Variants in INTS9 observed in about 807,000 individuals in gnomAD.
INTS9 encodes the protein integrator complex subunit 9.
A neutral mutation model predicts 79.7 loss-of-function variants in INTS9; 55 were observed. The observed-to-expected ratio is 0.69, with a 90% CI of 0.56 to 0.86. The LOEUF (loss-of-function observed/expected upper bound fraction) is 0.86. INTS9 is among the 40% of genes least tolerant of loss of function. INTS9 has a pLI of 0.00. For missense variants in INTS9, 721 were observed against 831.5 expected, an observed-to-expected ratio of 0.87 and a Z score of 1.64; for synonymous variants, 319 against 325.2, an observed-to-expected ratio of 0.98 and a Z score of 0.20.
intron 9 of INTS9, among the ~76,000 whole-genome samples, chr8:28,795,496 C>T (rs546748048): frequency 5.3e-5 from 8 of 151,936 alleles, no homozygotes; most frequent in South Asian, 2.1e-4. Flanking sequence ...AAAAATTAGC[C>T]GGGCACAGTG....
At chr8:28,851,506 C>T (rs1367381004) in intron 2 of INTS9, among the ~76,000 whole-genome samples, 7 of 150,572 alleles carry the variant, frequency 4.6e-5, no homozygotes, top group South Asian at 4.2e-4. Flanking sequence ...GGTGCAATCT[C>T]GGCTCACTGC....
At chr8:28,866,609 G>A (rs576165798) in intron 1 of INTS9, among the ~76,000 whole-genome samples, 27 of 152,168 alleles carry the variant, frequency 1.8e-4, no homozygotes, top group African/African-American at 6.3e-4. Flanking sequence ...CTTGAAATAC[G>A]CATTTTGAAT....
chr8:28,889,694 G>A (rs1810501921), intron 1 of INTS9, 180 bp downstream of exon 1: 1 of 614,932 alleles, frequency 1.6e-6, no homozygotes, highest in South Asian at 2.0e-5. Context: ...GGATGGGGTG[G>A]GGGAGAGGGA....
At chr8:28,830,409 G>A (rs1221614131) in intron 6 of INTS9, among the ~76,000 whole-genome samples, 3 of 152,088 alleles carry the variant, frequency 2.0e-5, no homozygotes, top group East Asian at 3.9e-4. Flanking sequence ...TGAGGTGGGC[G>A]GATCACTTGA....
intron 8 of INTS9, among the ~76,000 whole-genome samples, chr8:28,801,047 C>T (rs180932762): frequency 1.3e-5 from 2 of 152,148 alleles, no homozygotes; most frequent in Non-Finnish European, 2.9e-5. Context: ...CCCTAGCCCC[C>T]AAATATATTA....
intron 2 of INTS9, 64 bp downstream of exon 2, chr8:28,859,372 A>G (rs910647840): frequency 1.1e-5 from 17 of 1,579,562 alleles, no homozygotes; most frequent in Non-Finnish European, 1.4e-5. Context: ...TAACCTTCAT[A>G]CTAATGGTAC....
chr8:28,836,054 C>A (rs1585439687), intron 5 of INTS9, among the ~76,000 whole-genome samples: 1 of 152,154 alleles, frequency 6.6e-6, no homozygotes, highest in African/African-American at 2.4e-5. Context: ...AGGTGATCCA[C>A]CCGCCTCGGC....
intron 8 of INTS9, among the ~76,000 whole-genome samples, chr8:28,802,952 A>T (rs1804606085): frequency 6.7e-6 from 1 of 149,670 alleles, no homozygotes; most frequent in Admixed American, 6.6e-5. Flanking sequence ...TCTACAAAAA[A>T]AAAAAAAAAA....
In INTS9 at chr8:28,818,898, G is replaced by C. The variant is rs1805661744; in HGVS notation, c.489-5286C>G. The stretch of plus-strand genomic sequence containing the variant: ...AGTCTTGGGAGGGTGTATGTGTCGA[G>C]GAATTTATCCATTTCTTCTAGATTT... On this transcript the variant is annotated intron_variant, in intron 6 of 16. Coordinates refer to ENST00000521022, the MANE Select transcript of INTS9 (RefSeq NM_018250.4). Among the ~76,000 whole-genome samples the C allele has an allele frequency of 3.3e-5, 5 of 151,988 alleles. No individual in the cohort carries two copies. In the South Asian group the frequency reaches 1.0e-3, roughly 32 times the overall value.
chr8:28,810,944 T>C (rs548992565), intron 8 of INTS9, among the ~76,000 whole-genome samples: 1 of 152,294 alleles, frequency 6.6e-6, no homozygotes, highest in East Asian at 1.9e-4. Context: ...CATGACATGG[T>C]GTCTGCCACT....
intron 6 of INTS9, among the ~76,000 whole-genome samples, chr8:28,831,324 G>C (rs1323659931): frequency 6.6e-6 from 1 of 152,158 alleles, no homozygotes; most frequent in Non-Finnish European, 1.5e-5. Flanking sequence ...CGGGGGAAGG[G>C]GGAGCATTGA....
In INTS9 at chr8:28,866,515, G is replaced by A. The variant is rs149062008; in HGVS notation, c.10-6952C>T. On this transcript the variant is annotated intron_variant, in intron 1 of 16. Transcript: ENST00000521022. Reference sequence around the variant, plus strand: ...GACGAGCTTCCTTACAGACCCCAGGGGCAAACAAATGAAATTTTCCTAGTA... The same window carrying A: ...GACGAGCTTCCTTACAGACCCCAGGAGCAAACAAATGAAATTTTCCTAGTA... Among the ~76,000 whole-genome samples, 603 of 152,158 alleles carry A rather than the reference G, an allele frequency of 4.0e-3. 3 individuals are homozygous for A. The highest frequency in any genetic ancestry group is 0.014 in the African/African-American group (572 of 41,516).
At chr8:28,812,490 A>T in intron 7 of INTS9, 29 bp from the exon 8 acceptor site, 2 of 1,607,416 alleles carry the variant, frequency 1.2e-6, no homozygotes, top group Non-Finnish European at 1.7e-6. Flanking sequence ...AAGAATGTGC[A>T]ATGAGCTTAC....
chr8:28,863,481 A>C (rs1243312168), intron 1 of INTS9, among the ~76,000 whole-genome samples: 2 of 152,216 alleles, frequency 1.3e-5, no homozygotes, highest in Non-Finnish European at 2.9e-5. Context: ...AGTTATATAA[A>C]TTTTAAAATG....
At chr8:28,827,515 C>G (rs1806222666) in intron 6 of INTS9, among the ~76,000 whole-genome samples, 1 of 152,144 alleles carries the variant, frequency 6.6e-6, no homozygotes, top group African/African-American at 2.4e-5. Flanking sequence ...AGATAGGAAT[C>G]AGGAAAGTTC....
chr8:28,792,878 A>G (rs1299805109), intron 10 of INTS9, among the ~76,000 whole-genome samples: 1 of 150,464 alleles, frequency 6.6e-6, no homozygotes, highest in Non-Finnish European at 1.5e-5. Flanking sequence ...GTGCCACTGT[A>G]CTCCAGCCTG....
intron 6 of INTS9, among the ~76,000 whole-genome samples, chr8:28,824,554 A>C (rs1806039995): frequency 6.6e-6 from 1 of 152,210 alleles, no homozygotes; most frequent in South Asian, 2.1e-4. Context: ...TTGTGACCCC[A>C]GTCTAGGCCA....
At chr8:28,813,091 G>A (rs1014502434) in intron 7 of INTS9, among the ~76,000 whole-genome samples, 1 of 152,142 alleles carries the variant, frequency 6.6e-6, no homozygotes, top group African/African-American at 2.4e-5. Flanking sequence ...TTAGGTGTTA[G>A]GCCCTTGTTG....
Position 28,775,839 on chromosome 8 carries a change from G to C in INTS9, c.1483C>G (p.Pro495Ala), listed in dbSNP as rs1427130298. Residue 495 changes from proline to alanine, a missense_variant, in exon 14 of 17, where the codon CCC becomes GCC. By Grantham distance (27) the Pro-to-Ala change is conservative. Transcript: ENST00000521022. The part of the protein sequence containing the change: ...RMDLMIDCQP[P>A]AMSYRRAEVL... ...TCAGCCCGCCGATAGGACATGGCGG[G>C]GGGCTGGCAGTCGATCATGAGGTCC... The C allele has an allele frequency of 5.0e-6, 8 of 1,613,872 alleles. No homozygotes were observed. The Admixed American group carries it at 1.3e-4, about 27-fold the overall frequency.
Sources: allele counts gnomAD v4.1 joint callset (sites outside exome capture counted in the v4.1 genomes callset), GRCh38; gene constraint gnomAD v4.1.1; transcripts MANE v1.5; gene names NCBI Gene and HGNC (gene_info 2026-07-23, HGNC 2026-07-21).